GPHN: variants seen among roughly 807,000 people sequenced by gnomAD.
GPHN encodes the protein gephyrin.
In GPHN, 17 loss-of-function variants were observed where a neutral mutation model predicts 95.5. The observed-to-expected ratio is 0.18, with a 90% CI of 0.12 to 0.27. GPHN has a LOEUF of 0.27. Ranked by LOEUF, GPHN falls within the 10% of genes least tolerant of loss-of-function variation. GPHN has a pLI of 1.00. For synonymous variants in GPHN, 320 were observed against 322.5 expected (o/e 0.99, Z 0.08); for missense variants, 660 against 978.1 (o/e 0.67, Z 4.34).
At chr14:67,122,419 A>G (rs531221917) in intron 17 of GPHN, 42 bp downstream of exon 17, 1 of 1,587,980 alleles carries the variant, frequency 6.3e-7, no homozygotes, top group South Asian at 1.1e-5. Flanking sequence ...TATTGTACAA[A>G]TACGAGTTTT....
At chr14:67,324,892 C>T in the GPHN span, among the ~76,000 whole-genome samples, 1 of 137,766 alleles carries the variant, frequency 7.3e-6, no homozygotes, top group Non-Finnish European at 1.5e-5. Flanking sequence ...CCCAGCCTTC[C>T]TTTCATTTTT....
At chr14:67,142,282 C>T (rs2080514356) in intron 17 of GPHN, among the ~76,000 whole-genome samples, 1 of 152,168 alleles carries the variant, frequency 6.6e-6, no homozygotes, top group South Asian at 2.1e-4. Context: ...GGTCGCATTG[C>T]CCAGTAGATT....
chr14:67,673,490 T>TC, the GPHN span, among the ~76,000 whole-genome samples: 1,039 of 152,350 alleles, frequency 6.8e-3, 9 homozygotes, highest in Non-Finnish European at 7.9e-3. Flanking sequence ...GATGTTCGTA[T>TC]CTTTTTCACT....
intron 4 of GPHN, among the ~76,000 whole-genome samples, chr14:66,863,058 A>G (rs566636059): frequency 6.6e-6 from 1 of 152,148 alleles, no homozygotes; most frequent in Non-Finnish European, 1.5e-5. Flanking sequence ...AGATGATATG[A>G]TATTATATCT....
intron 2 of GPHN, among the ~76,000 whole-genome samples, chr14:66,686,067 C>T (rs1169899318): frequency 1.3e-5 from 2 of 152,190 alleles, no homozygotes; most frequent in East Asian, 1.9e-4. Flanking sequence ...AGATGTGTGG[C>T]ATTATTTCTG....
chr14:67,099,844 T>C (rs183967215), intron 12 of GPHN, among the ~76,000 whole-genome samples: 1 of 152,220 alleles, frequency 6.6e-6, no homozygotes, highest in Admixed American at 6.5e-5. Context: ...TAAATATTCA[T>C]ATATAATGTA....
chr14:66,926,603 G>A (rs1008017260), intron 8 of GPHN, among the ~76,000 whole-genome samples: 9 of 152,044 alleles, frequency 5.9e-5, no homozygotes, highest in African/African-American at 1.9e-4. Context: ...TATTCCATTG[G>A]TCTATGTATC....
chr14:66,575,523 A>G (rs182501192), intron 1 of GPHN, among the ~76,000 whole-genome samples: 8 of 152,336 alleles, frequency 5.3e-5, no homozygotes, highest in African/African-American at 1.9e-4. Context: ...GCTCTTTACC[A>G]GTCAGCCTGT....
At chr14:67,663,812 TGGTTA>T in the GPHN span, among the ~76,000 whole-genome samples, 79 of 152,340 alleles carry the variant, frequency 5.2e-4, no homozygotes, top group African/African-American at 1.7e-3. Flanking sequence ...GCACCTTTTC[TGGTTA>T]GTCAGCGGGG....
At chr14:67,572,006 C>T in the GPHN span, 1 of 1,475,058 alleles carries the variant, frequency 6.8e-7, no homozygotes, top group South Asian at 1.3e-5. Context: ...GAGCTCGTGA[C>T]CCCCCAGCAG....
At chr14:67,088,955 A>G in intron 11 of GPHN, 28 bp from the exon 12 acceptor site, 2 of 1,312,438 alleles carry the variant, frequency 1.5e-6, no homozygotes, top group Non-Finnish European at 2.2e-6. Context: ...CTCCATATTT[A>G]CATTTTCCTT....
intron 9 of GPHN, among the ~76,000 whole-genome samples, chr14:66,966,869 T>A (rs561429021): frequency 6.6e-6 from 1 of 152,074 alleles, no homozygotes; most frequent in African/African-American, 2.4e-5. Flanking sequence ...TTTTATAACT[T>A]TGTAATTATA....
At chr14:67,458,367 C>T in the GPHN span, among the ~76,000 whole-genome samples, 14 of 152,280 alleles carry the variant, frequency 9.2e-5, no homozygotes, top group South Asian at 2.7e-3. Context: ...GTTCGTTCAA[C>T]AAATGTTTAT....
At chr14:66,641,325 G>C (rs2153353510) in intron 1 of GPHN, among the ~76,000 whole-genome samples, 1 of 152,260 alleles carries the variant, frequency 6.6e-6, no homozygotes, top group South Asian at 2.1e-4. Context: ...CAGCCAAGCA[G>C]TCATGAGGGT....
the GPHN span, among the ~76,000 whole-genome samples, chr14:67,525,404 C>A: frequency 6.6e-6 from 1 of 152,156 alleles, no homozygotes; most frequent in East Asian, 1.9e-4. Flanking sequence ...CTAGATGAAT[C>A]ATAATTTTAA....
At chr14:67,047,491 G>A (rs1019605895) in intron 10 of GPHN, among the ~76,000 whole-genome samples, 8 of 151,038 alleles carry the variant, frequency 5.3e-5, no homozygotes, top group Admixed American at 5.3e-4. Flanking sequence ...TCAGCCTTCT[G>A]AGTAGCTGGG....
At chr14:66,787,657 A>T (rs1243519786) in intron 3 of GPHN, among the ~76,000 whole-genome samples, 2 of 152,120 alleles carry the variant, frequency 1.3e-5, no homozygotes, top group African/African-American at 4.8e-5. Flanking sequence ...CAGAATAGAG[A>T]ACCTATAATA....
At chr14:67,095,966 C>CAAAAAAAAAA in intron 12 of GPHN, among the ~76,000 whole-genome samples, 3 of 67,084 alleles carry the variant, frequency 4.5e-5, no homozygotes, top group Admixed American at 1.4e-4. Context: ...AAGAAAAAGG[C>CAAAAAAAAAA]AAAAAAAAAA....
intron 8 of GPHN, among the ~76,000 whole-genome samples, chr14:66,952,592 G>A (rs1236342512): frequency 1.3e-5 from 2 of 152,134 alleles, no homozygotes; most frequent in Non-Finnish European, 2.9e-5. Context: ...TAACTTTTAA[G>A]GAAGTGCCAA....
Sources: gnomAD v4.1 joint callset for allele counts (sites outside exome capture counted in the v4.1 genomes callset) on GRCh38, gnomAD v4.1.1 for gene constraint, MANE v1.5 for transcripts, NCBI Gene and HGNC (gene_info 2026-07-23, HGNC 2026-07-21) for gene names.